The following PIBF1 variants were observed in gnomAD, a reference collection of about 807,000 sequenced individuals.
PIBF1 encodes the protein progesterone immunomodulatory binding factor 1.
In PIBF1, 90 loss-of-function variants were observed where a neutral mutation model predicts 112.5. The observed-to-expected ratio is 0.80, with a 90% CI of 0.67 to 0.95. PIBF1 has a LOEUF of 0.95. Ranked by LOEUF, PIBF1 falls within the 40% of genes least tolerant of loss-of-function variation. The pLI, the probability that PIBF1 is intolerant of heterozygous loss-of-function variation, is 0.00. For missense variants in PIBF1, 915 were observed against 852.3 expected, an observed-to-expected ratio of 1.07 and a Z score of -0.92; for synonymous variants, 301 against 288.6, an observed-to-expected ratio of 1.04 and a Z score of -0.44.
chr13:72,968,274 G>T lies in PIBF1; in HGVS notation c.1964+2870G>T, dbSNP rs528174618. Among the ~76,000 whole-genome samples the T allele has an allele frequency of 2.0e-5, 3 of 151,504 alleles. No homozygotes were observed. The South Asian group carries it at 6.3e-4, about 32-fold the overall frequency. On this transcript the variant is annotated intron_variant, in intron 15 of 17. Coordinates refer to ENST00000326291, the MANE Select transcript of PIBF1 (RefSeq NM_006346.4). ...TGTTGAGCATTTGTTTTGGGGTTTT[G>T]TTGTTGTTGTTGTTGTTGTTCTTTT...
intron 17 of PIBF1, among the ~76,000 whole-genome samples, chr13:73,013,187 G>T (rs1040389756): frequency 3.3e-5 from 5 of 151,332 alleles, no homozygotes; most frequent in Admixed American, 2.6e-4. Context: ...TGTAGTCCCA[G>T]CTACTCGGGA....
chr13:73,006,081 A>AC, intron 17 of PIBF1, among the ~76,000 whole-genome samples: 1 of 151,740 alleles, frequency 6.6e-6, no homozygotes, highest in East Asian at 1.9e-4. Flanking sequence ...CACCATGCCC[A>AC]ATAATTTTTG....
In PIBF1 at chr13:72,849,061, T is replaced by C. The variant is rs78932814; in HGVS notation, c.1224-4996T>C. Among the ~76,000 whole-genome samples the C allele has an allele frequency of 6.4e-3, 972 of 152,292 alleles. 13 individuals are homozygous for C. Among genetic ancestry groups the C allele is most frequent in the African/African-American group, 0.022 (902 of 41,564 alleles). Reference sequence around the variant, plus strand: ...ACTCACTTACCCTTTGCATTTCACATAGTATTTATTTAAGATTTATTTTCT... The same window carrying C: ...ACTCACTTACCCTTTGCATTTCACACAGTATTTATTTAAGATTTATTTTCT... On this transcript the variant is annotated intron_variant, in intron 9 of 17. Coordinates refer to ENST00000326291, the MANE Select transcript of PIBF1 (RefSeq NM_006346.4).
intron 13 of PIBF1, among the ~76,000 whole-genome samples, chr13:72,920,444 T>G (rs1000691175): frequency 1.3e-5 from 2 of 152,228 alleles, no homozygotes; most frequent in Non-Finnish European, 2.9e-5. Flanking sequence ...TGCACAAAAT[T>G]GATCAATGGC....
intron 8 of PIBF1, among the ~76,000 whole-genome samples, chr13:72,834,034 G>A (rs1275223202): frequency 6.6e-6 from 1 of 151,908 alleles, no homozygotes; most frequent in Non-Finnish European, 1.5e-5. Context: ...TTCATTTGTG[G>A]CATAATTTTT....
At chr13:72,903,570 T>G (rs113830165) in intron 11 of PIBF1, among the ~76,000 whole-genome samples, 2,161 of 152,286 alleles carry the variant, frequency 0.014, 65 homozygotes, top group African/African-American at 0.049. Context: ...TATGGCTACT[T>G]CACTGAGGAA....
At chr13:72,916,857 C>A (rs749615909) in intron 12 of PIBF1, among the ~76,000 whole-genome samples, 14 of 151,928 alleles carry the variant, frequency 9.2e-5, no homozygotes, top group Non-Finnish European at 1.5e-4. Flanking sequence ...ATGATGCAAT[C>A]CCTTATACAT....
intron 6 of PIBF1, among the ~76,000 whole-genome samples, chr13:72,822,966 A>G (rs1315539923): frequency 6.6e-6 from 1 of 152,230 alleles, no homozygotes; most frequent in African/African-American, 2.4e-5. Context: ...ATAGTGGCAC[A>G]TGCCTTTAGT....
chr13:72,846,022 A>T (rs778285103), intron 9 of PIBF1, among the ~76,000 whole-genome samples: 1 of 152,126 alleles, frequency 6.6e-6, no homozygotes, highest in Non-Finnish European at 1.5e-5. Flanking sequence ...AGTGTCACAC[A>T]CTATTAAATT....
At chr13:72,817,916 A>G (rs1300122102) in intron 5 of PIBF1, among the ~76,000 whole-genome samples, 1 of 152,152 alleles carries the variant, frequency 6.6e-6, no homozygotes, top group African/African-American at 2.4e-5. Context: ...TCAAAATACG[A>G]AAGTAATAAT....
intron 5 of PIBF1, among the ~76,000 whole-genome samples, chr13:72,801,111 G>A (rs1025891448): frequency 6.6e-6 from 1 of 152,170 alleles, no homozygotes; most frequent in African/African-American, 2.4e-5. Context: ...GAGGATAGTT[G>A]TAGTTAAGAT....
chr13:72,816,710 C>T (rs531779525), intron 5 of PIBF1, among the ~76,000 whole-genome samples: 2 of 148,876 alleles, frequency 1.3e-5, no homozygotes, highest in South Asian at 4.3e-4. Context: ...AAAAAAAAAG[C>T]CTTAAGTTTT....
At chr13:72,993,999 C>A (rs554224478) in intron 16 of PIBF1, among the ~76,000 whole-genome samples, 1 of 151,880 alleles carries the variant, frequency 6.6e-6, no homozygotes, top group Non-Finnish European at 1.5e-5. Context: ...GTGGTGCCAG[C>A]GGCTCAGGAG....
Position 72,795,393 on chromosome 13 carries a change from A to G in PIBF1, c.388A>G (p.Thr130Ala), listed in dbSNP as rs1258223357. ...YQELMKQEME[T>A]ILLRQKQLEE... The stretch of plus-strand genomic sequence containing the variant: ...AGAATTAATGAAACAAGAAATGGAA[A>G]CCATTTTGTTGAGACAGAAACAACT... The change falls in exon 4 of 18, where the codon ACC (threonine) becomes GCC (alanine). Residue 130 changes from threonine to alanine, a missense_variant. Thr to Ala is a moderately conservative substitution (Grantham distance 58). Transcript: ENST00000326291. 1 of 1,599,320 alleles carries G rather than the reference A, an allele frequency of 6.3e-7. No individual in the cohort carries two copies. The highest frequency in any genetic ancestry group is 8.5e-7 in the Non-Finnish European group (1 of 1,174,932).
chr13:72,852,278 A>G (rs1015574255), intron 9 of PIBF1, among the ~76,000 whole-genome samples: 1 of 152,296 alleles, frequency 6.6e-6, no homozygotes, highest in African/African-American at 2.4e-5. Flanking sequence ...GGCATCTCCA[A>G]GCTTCCGGAC....
intron 5 of PIBF1, among the ~76,000 whole-genome samples, chr13:72,798,448 G>A (rs978616871): frequency 1.3e-5 from 2 of 152,260 alleles, no homozygotes; most frequent in Non-Finnish European, 2.9e-5. Flanking sequence ...TCTCTTGCAG[G>A]TGCCATAAGA....
chr13:72,833,639 A>T (rs971014742), intron 8 of PIBF1, among the ~76,000 whole-genome samples: 2 of 152,170 alleles, frequency 1.3e-5, no homozygotes, highest in Non-Finnish European at 2.9e-5. Context: ...CCAGAGGGGC[A>T]CCTGCCAGAT....
At chr13:72,930,477 A>T (rs1428668649) in intron 13 of PIBF1, among the ~76,000 whole-genome samples, 3 of 152,174 alleles carry the variant, frequency 2.0e-5, no homozygotes, top group African/African-American at 7.2e-5. Context: ...CTCCCACCAT[A>T]GTTAGAAGGA....
intron 2 of PIBF1, among the ~76,000 whole-genome samples, chr13:72,784,483 G>A (rs2034484088): frequency 6.6e-6 from 1 of 151,700 alleles, no homozygotes; most frequent in Non-Finnish European, 1.5e-5. Flanking sequence ...TGGAGGCCAA[G>A]TGCGGTGGCT....
Sources: allele counts gnomAD v4.1 joint callset (sites outside exome capture counted in the v4.1 genomes callset), GRCh38; gene constraint gnomAD v4.1.1; transcripts MANE v1.5; gene names NCBI Gene and HGNC (gene_info 2026-07-23, HGNC 2026-07-21).